The following FAT3 variants were observed in gnomAD, a reference collection of about 807,000 sequenced individuals.
The protein encoded by FAT3 is protocadherin Fat 3.
FAT3 carries 95 observed loss-of-function variants against 310.2 expected under a neutral mutation model. That is an observed-to-expected ratio of 0.31 (90% CI 0.26 to 0.36). The LOEUF (loss-of-function observed/expected upper bound fraction) is 0.36. Ranked by LOEUF, FAT3 falls within the 10% of genes least tolerant of loss-of-function variation. The pLI, the probability that FAT3 is intolerant of heterozygous loss-of-function variation, is 1.00. For synonymous variants in FAT3, 2,314 were observed against 2,192.9 expected (o/e 1.06, Z -1.54); for missense variants, 5,408 against 5,715.6 (o/e 0.95, Z 1.74).
At chr11:92,251,386 G>T (rs1865135535) in intron 1 of FAT3, among the ~76,000 whole-genome samples, 1 of 152,074 alleles carries the variant, frequency 6.6e-6, no homozygotes, top group Non-Finnish European at 1.5e-5. Context: ...CCAATTATTT[G>T]TCTTAATTTC....
chr11:92,226,476 C>A (rs914161615), intron 1 of FAT3, among the ~76,000 whole-genome samples: 2 of 151,858 alleles, frequency 1.3e-5, no homozygotes, highest in East Asian at 3.9e-4. Context: ...CTAAGAGAGC[C>A]GCTTGGGTTG....
chr11:92,705,563 G>C (rs1482054888), intron 4 of FAT3, among the ~76,000 whole-genome samples: 1 of 77,002 alleles, frequency 1.3e-5, no homozygotes, highest in Non-Finnish European at 2.7e-5. Flanking sequence ...TGGTGTGATG[G>C]TGGTGGTGGT....
At chr11:92,439,479 G>GAATGTCTACCAC (rs1197655083) in intron 2 of FAT3, among the ~76,000 whole-genome samples, 1 of 152,154 alleles carries the variant, frequency 6.6e-6, no homozygotes, top group African/African-American at 2.4e-5. Context: ...GACATTTAAT[G>GAATGTCTACCAC]AATGTCTACC....
chr11:92,314,232 T>A (rs2134465727), intron 1 of FAT3: 1 of 921,554 alleles, frequency 1.1e-6, no homozygotes, highest in Admixed American at 6.2e-5. Context: ...TTTTGGCTAA[T>A]TAATAATTAA....
At chr11:92,842,864 A>G (rs1948586424) in intron 18 of FAT3, among the ~76,000 whole-genome samples, 1 of 152,250 alleles carries the variant, frequency 6.6e-6, no homozygotes, top group Non-Finnish European at 1.5e-5. Context: ...CCTAGGTGGC[A>G]GGACGAGACC....
chr11:92,377,967 G>A (rs1949391177), intron 2 of FAT3, among the ~76,000 whole-genome samples: 2 of 152,144 alleles, frequency 1.3e-5, no homozygotes, highest in South Asian at 2.1e-4. Flanking sequence ...TTTGAATAAT[G>A]TATGTTTTGA....
intron 3 of FAT3, among the ~76,000 whole-genome samples, chr11:92,577,626 A>G (rs1030613322): frequency 2.6e-5 from 4 of 152,104 alleles, no homozygotes; most frequent in Non-Finnish European, 5.9e-5. Flanking sequence ...TATTAACAGC[A>G]GTCACCTTAC....
chr11:92,264,321 G>T (rs770617367), intron 1 of FAT3, among the ~76,000 whole-genome samples: 1 of 152,132 alleles, frequency 6.6e-6, no homozygotes, highest in Non-Finnish European at 1.5e-5. Flanking sequence ...TGTTGTATAT[G>T]TTTCAGGAGA....
chr11:92,336,200 C>T (rs998628722), intron 1 of FAT3: 4 of 568,694 alleles, frequency 7.0e-6, no homozygotes, highest in Admixed American at 1.9e-5. Context: ...TGCCAAGGAC[C>T]GGGACAATGG....
rs150426039 is a variant in FAT3 at position 92,284,454 on chromosome 11, A to G, written c.-18+59280A>G. ...TGTTCCAACTCTTAGGACTCCATCT[A>G]TTAGATTTTAAGGTTAAAGAAAAGA... On this transcript the variant is annotated intron_variant, in intron 1 of 27. Transcript: ENST00000525166. Among the ~76,000 whole-genome samples the G allele has an allele frequency of 8.4e-3, 1,274 of 152,218 alleles. 12 individuals are homozygous for G. Among genetic ancestry groups the G allele is most frequent in the Non-Finnish European group, 0.013 (917 of 67,990 alleles).
At chr11:92,235,555 T>G (rs1864384094) in intron 1 of FAT3, among the ~76,000 whole-genome samples, 1 of 147,916 alleles carries the variant, frequency 6.8e-6, no homozygotes, top group Admixed American at 6.7e-5. Flanking sequence ...GTATTTAATA[T>G]TTAAAATTGA....
intron 2 of FAT3, among the ~76,000 whole-genome samples, chr11:92,471,955 A>ATT (rs1951919135): frequency 7.4e-6 from 1 of 135,082 alleles, no homozygotes; most frequent in African/African-American, 2.8e-5. Flanking sequence ...ATATATATAT[A>ATT]TTCTGTAAGT....
intron 2 of FAT3, among the ~76,000 whole-genome samples, chr11:92,431,331 A>G (rs911883692): frequency 1.1e-4 from 17 of 152,048 alleles, no homozygotes; most frequent in African/African-American, 4.1e-4. Flanking sequence ...GTCTGTTCAT[A>G]TCCTTCGCCC....
At chr11:92,472,244 T>A (rs1951929607) in intron 2 of FAT3, among the ~76,000 whole-genome samples, 1 of 152,150 alleles carries the variant, frequency 6.6e-6, no homozygotes, top group Admixed American at 6.6e-5. Context: ...ATAACAATCA[T>A]ATGAACAACT....
chr11:92,478,261 A>T (rs1212560834), intron 2 of FAT3, among the ~76,000 whole-genome samples: 1 of 152,184 alleles, frequency 6.6e-6, no homozygotes, highest in Non-Finnish European at 1.5e-5. Flanking sequence ...CTTGAATTTA[A>T]TCTTACTACG....
chr11:92,440,639 G>T (rs549889039), intron 2 of FAT3, among the ~76,000 whole-genome samples: 1 of 152,306 alleles, frequency 6.6e-6, no homozygotes, highest in South Asian at 2.1e-4. Context: ...GTCAATCAAA[G>T]AAACCAAGAA....
intron 3 of FAT3, among the ~76,000 whole-genome samples, chr11:92,616,601 G>C (rs571988803): frequency 6.6e-6 from 1 of 152,170 alleles, no homozygotes; most frequent in Non-Finnish European, 1.5e-5. Context: ...GCATGTTTTT[G>C]CAGTAGCTGG....
chr11:92,298,735 T>C (rs1393312542), intron 1 of FAT3, among the ~76,000 whole-genome samples: 1 of 152,102 alleles, frequency 6.6e-6, no homozygotes, highest in Non-Finnish European at 1.5e-5. Flanking sequence ...CTGTTCAGCC[T>C]AAATAACTAA....
At chr11:92,834,768 A>G in intron 14 of FAT3, 102 bp from the exon 15 acceptor site, 1 of 1,064,744 alleles carries the variant, frequency 9.4e-7, no homozygotes, top group South Asian at 1.7e-5. Flanking sequence ...GAATGTTTAA[A>G]TTCTTGGCTG....
Sources: gnomAD v4.1 joint callset for allele counts (sites outside exome capture counted in the v4.1 genomes callset) on GRCh38, gnomAD v4.1.1 for gene constraint, MANE v1.5 for transcripts, NCBI Gene and HGNC (gene_info 2026-07-23, HGNC 2026-07-21) for gene names.